The following NECAB1 variants were observed in gnomAD, a reference collection of about 807,000 sequenced individuals.
The protein encoded by NECAB1 is N-terminal EF-hand calcium binding protein 1, also known as N-terminal EF-hand calcium-binding protein 1.
In NECAB1, 29 loss-of-function variants were observed where a neutral mutation model predicts 57.5. The observed-to-expected ratio is 0.50, with a 90% CI of 0.38 to 0.69. The LOEUF (loss-of-function observed/expected upper bound fraction) is 0.69, where lower values mean the gene tolerates loss of function less well. Among genes scored for constraint, NECAB1 ranks in the 30% least tolerant of loss-of-function variants. NECAB1 has a pLI of 0.00. For missense variants in NECAB1, 372 were observed against 413.8 expected (o/e 0.90, Z 0.88); for synonymous variants, 142 against 147.7 (o/e 0.96, Z 0.28).
Position 90,949,787 on chromosome 8 carries a change from C to G in NECAB1, c.861-20C>G. The G allele has an allele frequency of 1.4e-6, 2 of 1,457,640 alleles. No individual in the cohort carries two copies. Among genetic ancestry groups the G allele is most frequent in the South Asian group, 2.4e-5 (2 of 83,070 alleles). The allele number at this position is 1,457,640 out of a possible 1,614,324, so 90.3% of individuals were successfully genotyped here. ...CTTTAATTTCCAGTAGCTAATTATG[C>G]CTTTTATTTTCCATTTCAGTATTTC... On this transcript the variant is annotated intron_variant, in intron 10 of 12. Transcript: ENST00000417640.
chr8:90,930,207 G>A (rs756070837), intron 8 of NECAB1, among the ~76,000 whole-genome samples: 6 of 152,140 alleles, frequency 3.9e-5, no homozygotes, highest in Non-Finnish European at 7.4e-5. Context: ...TATGATATGA[G>A]ATGGGCCTAT....
intron 3 of NECAB1, among the ~76,000 whole-genome samples, chr8:90,870,105 G>A (rs778153110): frequency 3.6e-4 from 55 of 152,148 alleles, no homozygotes; most frequent in Non-Finnish European, 6.8e-4. Flanking sequence ...CACCATGTAA[G>A]AGGTGTTCAC....
chr8:90,949,059 G>A (rs568746704), intron 10 of NECAB1, among the ~76,000 whole-genome samples: 2 of 151,798 alleles, frequency 1.3e-5, no homozygotes, highest in East Asian at 3.9e-4. Context: ...AATTGGAAAA[G>A]AAATTTAAAA....
intron 2 of NECAB1, among the ~76,000 whole-genome samples, chr8:90,810,993 G>C (rs1053125069): frequency 6.6e-6 from 1 of 151,072 alleles, no homozygotes; most frequent in Non-Finnish European, 1.5e-5. Context: ...TGTCTCCCAG[G>C]CTGGAGCGCA....
chr8:90,843,973 C>G (rs765002110), intron 3 of NECAB1, among the ~76,000 whole-genome samples: 5 of 152,204 alleles, frequency 3.3e-5, no homozygotes, highest in Non-Finnish European at 7.3e-5. Context: ...CATCTTTCCT[C>G]TATTCTATAC....
chr8:90,846,880 C>A lies in NECAB1; in HGVS notation c.233+22055C>A, dbSNP rs972488311. On this transcript the variant is annotated intron_variant, in intron 3 of 12. Transcript: ENST00000417640. ...AATTACCTCCCACCCTGGATCCCTC[C>A]CATGACATATGGGGATTATGGGAGC... Among the ~76,000 whole-genome samples, 27 of 152,160 alleles carry A rather than the reference C, an allele frequency of 1.8e-4. 1 individual carries two copies. Among genetic ancestry groups the A allele is most frequent in the Admixed American group, 1.8e-3 (27 of 15,278 alleles).
intron 6 of NECAB1, among the ~76,000 whole-genome samples, chr8:90,921,916 T>C (rs950545018): frequency 6.6e-6 from 1 of 152,206 alleles, no homozygotes; most frequent in Non-Finnish European, 1.5e-5. Context: ...ACATGCCATG[T>C]TGGGCAAAAT....
chr8:90,866,254 A>T (rs1482679471), intron 3 of NECAB1, among the ~76,000 whole-genome samples: 2 of 152,204 alleles, frequency 1.3e-5, no homozygotes, highest in Non-Finnish European at 2.9e-5. Context: ...AAACACAATG[A>T]TGGCTGAGCA....
At chr8:90,924,423 G>A (rs1810207488) in intron 6 of NECAB1, among the ~76,000 whole-genome samples, 1 of 152,128 alleles carries the variant, frequency 6.6e-6, no homozygotes, top group Admixed American at 6.5e-5. Context: ...AAAGGCTAAA[G>A]GAATCTTCCC....
intron 8 of NECAB1, among the ~76,000 whole-genome samples, chr8:90,930,099 G>A (rs535661901): frequency 1.3e-5 from 2 of 152,238 alleles, no homozygotes; most frequent in South Asian, 4.1e-4. Flanking sequence ...AATGCAAAAT[G>A]GGTTAAAACA....
chr8:90,806,987 A>AT (rs1035991999), intron 2 of NECAB1, among the ~76,000 whole-genome samples: 20 of 151,922 alleles, frequency 1.3e-4, no homozygotes, highest in East Asian at 1.9e-4. Flanking sequence ...ATATTTGGTG[A>AT]TTTTTTTTCA....
rs139770534 is a variant in NECAB1 at position 90,886,367 on chromosome 8, C to G, written c.357+5237C>G. ...TGCCAGGTTTACTATCTGCTAAATA[C>G]TTATAATGTACTCAGTTTTGTGTCA... On this transcript the variant is annotated intron_variant, in intron 5 of 12. Coordinates refer to ENST00000417640, the MANE Select transcript of NECAB1 (RefSeq NM_022351.5). Among the ~76,000 whole-genome samples, 42 of 152,042 alleles carry G rather than the reference C, an allele frequency of 2.8e-4. No individual in the cohort carries two copies. In the East Asian group the frequency reaches 7.4e-3, roughly 27 times the overall value.
chr8:90,817,548 A>G (rs1812079389), intron 2 of NECAB1, among the ~76,000 whole-genome samples: 2 of 151,300 alleles, frequency 1.3e-5, no homozygotes, highest in African/African-American at 2.4e-5. Flanking sequence ...TTTCAAATGC[A>G]TTTTCTTCAT....
intron 5 of NECAB1, among the ~76,000 whole-genome samples, chr8:90,898,483 A>C (rs1193471711): frequency 6.6e-6 from 1 of 152,238 alleles, no homozygotes; most frequent in African/African-American, 2.4e-5. Context: ...GCCACCTAGA[A>C]CTGACAGTCT....
intron 5 of NECAB1, among the ~76,000 whole-genome samples, chr8:90,909,678 T>C (rs897040355): frequency 1.2e-4 from 19 of 152,076 alleles, no homozygotes; most frequent in Admixed American, 9.2e-4. Context: ...GATTTTATTT[T>C]GTTTTGTTTT....
chr8:90,851,237 A>G (rs530952062), intron 3 of NECAB1, among the ~76,000 whole-genome samples: 1 of 152,318 alleles, frequency 6.6e-6, no homozygotes, highest in East Asian at 1.9e-4. Context: ...CCTGGGTTGT[A>G]TCCTTTATAA....
chr8:90,798,019 C>G (rs1312157895), intron 1 of NECAB1, among the ~76,000 whole-genome samples: 3 of 152,180 alleles, frequency 2.0e-5, no homozygotes, highest in Non-Finnish European at 4.4e-5. Context: ...AAGCTGCTAG[C>G]AGGATGATGC....
intron 5 of NECAB1, among the ~76,000 whole-genome samples, chr8:90,907,318 C>T (rs552932423): frequency 6.6e-6 from 1 of 152,130 alleles, no homozygotes; most frequent in Admixed American, 6.5e-5. Context: ...GAGACCTTGA[C>T]ACAAACTCAA....
chr8:90,890,539 T>A (rs1250309818), intron 5 of NECAB1, among the ~76,000 whole-genome samples: 5 of 152,168 alleles, frequency 3.3e-5, no homozygotes, highest in Admixed American at 2.0e-4. Flanking sequence ...GTTTTATCTT[T>A]AGAACTAAGC....
Sources: gnomAD v4.1 joint callset for allele counts (sites outside exome capture counted in the v4.1 genomes callset) on GRCh38, gnomAD v4.1.1 for gene constraint, MANE v1.5 for transcripts, NCBI Gene and HGNC (gene_info 2026-07-23, HGNC 2026-07-21) for gene names.